NR1I3: variants seen among roughly 807,000 people sequenced by gnomAD.
NR1I3 encodes the protein constitutive activator of retinoid response.
A neutral mutation model predicts 38.4 loss-of-function variants in NR1I3; 30 were observed. The observed-to-expected ratio is 0.78, with a 90% CI of 0.58 to 1.06. The LOEUF (loss-of-function observed/expected upper bound fraction) is 1.06, where lower values mean the gene tolerates loss of function less well. NR1I3 is among the 50% of genes least tolerant of loss of function. The pLI, the probability that NR1I3 is intolerant of heterozygous loss-of-function variation, is 0.00. For missense variants in NR1I3, 388 were observed against 435.7 expected (o/e 0.89, Z 0.97); for synonymous variants, 143 against 165.1 (o/e 0.87, Z 1.03).
chr1:161,237,965 T>G, intron 1 of NR1I3, 76 bp downstream of exon 1: 29 of 1,420,606 alleles, frequency 2.0e-5, no homozygotes, highest in East Asian at 4.6e-5. Context: ...ATGACACACG[T>G]GAGCCACTAT....
rs563503102 is a variant in NR1I3 at position 161,233,294 on chromosome 1, C to T, written c.283G>A (p.Ala95Thr). 6.2e-7 allele frequency: 1 copy of T among 1,614,188 alleles called. No homozygotes were observed. The highest frequency in any genetic ancestry group is 2.2e-5 in the East Asian group (1 of 44,886). The stretch of plus-strand genomic sequence containing the variant: ...GGTGTTTGCTGTGCCCGCCGCTGGG[C>T]CTGCTTTGCTCGCCGCAATGCCAGG... ...EALALRRAKQ[A>T]QRRAQQTPVQ... The change falls in exon 4 of 9, where the codon GCC (alanine) becomes ACC (threonine). Residue 95 changes from alanine to threonine, a missense_variant. Ala to Thr is a moderately conservative substitution (Grantham distance 58). Transcript: ENST00000367983.
intron 8 of NR1I3, chr1:161,230,566 C>T (rs1335304469): frequency 1.7e-6 from 1 of 587,242 alleles, no homozygotes; most frequent in Non-Finnish European, 3.0e-6. Context: ...CTCTGAGCTA[C>T]TACTTTGCAT....
rs543066695 is a variant in NR1I3 at position 161,236,654 on chromosome 1, C to T, written c.-33-56G>A. 1.5e-5 allele frequency: 24 copies of T among 1,572,134 alleles called. No individual in the cohort carries two copies. In the African/African-American group the frequency reaches 2.8e-4, roughly 19 times the overall value. ...TGGGCCACCCTTGACCCTTTTCTGT[C>T]CCTTCTAGAGAGTCTCTTTCCAAAC... On this transcript the variant is annotated intron_variant, in intron 1 of 8. Coordinates refer to ENST00000367983, the MANE Select transcript of NR1I3 (RefSeq NM_005122.5).
chr1:161,233,623 G>A (rs1056424829), intron 3 of NR1I3, among the ~76,000 whole-genome samples: 66 of 152,108 alleles, frequency 4.3e-4, no homozygotes, highest in South Asian at 6.2e-4. Flanking sequence ...GGAAAGGTGC[G>A]AGGGCTTTTG....
intron 5 of NR1I3, among the ~76,000 whole-genome samples, chr1:161,231,736 A>T (rs1225234200): frequency 6.6e-6 from 1 of 152,108 alleles, no homozygotes; most frequent in East Asian, 1.9e-4. Context: ...TACTGACCTC[A>T]GGTGATCCAC....
intron 5 of NR1I3, 133 bp downstream of exon 5, chr1:161,232,674 C>A: frequency 1.1e-6 from 1 of 891,122 alleles, no homozygotes; most frequent in Non-Finnish European, 1.8e-6. Flanking sequence ...CATTTAAAAC[C>A]AAAGCTGGGA....
At chr1:161,230,728 A>C (rs1315004431) in intron 8 of NR1I3, 85 bp downstream of exon 8, 2 of 1,578,496 alleles carry the variant, frequency 1.3e-6, no homozygotes, top group Admixed American at 1.7e-5. Flanking sequence ...AAAGGACAGT[A>C]AAAAAACATT....
chr1:161,233,343 G>A lies in NR1I3; in HGVS notation c.239-5C>T, dbSNP rs1291531366. 1 of 1,612,266 alleles carries A rather than the reference G, an allele frequency of 6.2e-7. No individual in the cohort carries two copies. Among genetic ancestry groups the A allele is most frequent in the East Asian group, 2.2e-5 (1 of 44,872 alleles). On this transcript the variant is annotated splice_polypyrimidine_tract_variant and splice_region_variant and intron_variant, in intron 3 of 8. Transcript: ENST00000367983. ...GGGCTTCTGCCGACAGTATCACTGT[G>A]CCAGGCAAGAGATCATGACAAAGCT...
At position 161,229,945 on chromosome 1, in the gene NR1I3, G is replaced by A; in HGVS notation, c.918-19C>T. The stretch of plus-strand genomic sequence containing the variant: ...CAGAAACCTTTGGAGGAAGTAGTGG[G>A]GTTGCCAGGAAAACAGGAGGGAAAT... On this transcript the variant is annotated intron_variant, in intron 8 of 8. Transcript: ENST00000367983. The A allele has an allele frequency of 1.2e-6, 2 of 1,613,898 alleles. No homozygotes were observed. Among genetic ancestry groups the A allele is most frequent in the Non-Finnish European group, 1.7e-6 (2 of 1,179,912 alleles).
intron 4 of NR1I3, 64 bp from the exon 5 acceptor site, chr1:161,233,010 CCTTAT>C: frequency 6.2e-7 from 1 of 1,600,546 alleles, no homozygotes; most frequent in South Asian, 1.1e-5. Flanking sequence ...GCCTCGCCAG[CCTTAT>C]CTTGGAAGAG....
rs1558125631 is a variant in NR1I3 at position 161,235,995 on chromosome 1, G to GT, written c.108-19dup. ...CTGTTCTCCTGTGAGACACAGAGAT[G>GT]TTGTTAGAGTCTGGGATGCAATGGA... is the stretch of plus-strand genomic sequence containing the variant. On this transcript the variant is annotated intron_variant, in intron 2 of 8. Transcript: ENST00000367983. 1 of 1,569,658 alleles carries GT rather than the reference G, an allele frequency of 6.4e-7. No individual in the cohort carries two copies. Among genetic ancestry groups the GT allele is most frequent in the Admixed American group, 1.9e-5 (1 of 53,590 alleles).
chr1:161,229,881 G>T lies in NR1I3; in HGVS notation c.963C>A (p.Ser321Arg), dbSNP rs1466421475. The change falls in exon 9 of 9, where the codon AGC becomes AGA. Residue 321 changes from serine to arginine, a missense_variant. Coordinates refer to ENST00000367983, the MANE Select transcript of NR1I3 (RefSeq NM_005122.5). ...TTTGGTACCCGTAGGCCTCATTAAT[G>T]CTCCGGAGCTCAGCCAGCAGGCCTA... ...KLLGLLAELR[S>R]INEAYGYQIQ... The T allele has an allele frequency of 1.2e-6, 2 of 1,614,100 alleles. No individual in the cohort carries two copies. Among genetic ancestry groups the T allele is most frequent in the Non-Finnish European group, 1.7e-6 (2 of 1,180,052 alleles).
chr1:161,233,110 A>T, intron 4 of NR1I3, 59 bp downstream of exon 4: 1 of 1,597,982 alleles, frequency 6.3e-7, no homozygotes. Context: ...TCTCCTTCAG[A>T]CCAGCATTTT....
chr1:161,232,723 T>C, intron 5 of NR1I3, 84 bp downstream of exon 5: 2 of 1,358,606 alleles, frequency 1.5e-6, no homozygotes, highest in Admixed American at 1.7e-5. Flanking sequence ...ACGCATGTGA[T>C]AATTTGTAGT....
Position 161,238,052 on chromosome 1 carries a change from A to G in NR1I3, c.-45T>C, listed in dbSNP as rs181499203. On this transcript the variant is annotated 5_prime_UTR_variant, in exon 1 of 9. Transcript: ENST00000367983. ...AACAGATTTCCTACCTGCTTCTCTTAGGCAGCATGTCACCTGCAGGCCACA... is the reference window on the plus strand; with the variant it reads ...AACAGATTTCCTACCTGCTTCTCTTGGGCAGCATGTCACCTGCAGGCCACA... 1.2e-3 allele frequency: 2,016 copies of G among 1,613,784 alleles called. 15 individuals carry two copies. The highest frequency in any genetic ancestry group is 8.0e-4 in the Non-Finnish European group (941 of 1,179,684).
chr1:161,234,086 G>A (rs1292492737), intron 3 of NR1I3, among the ~76,000 whole-genome samples: 2 of 151,734 alleles, frequency 1.3e-5, no homozygotes, highest in Admixed American at 6.6e-5. Context: ...CTGCCCCCTG[G>A]GTTCAAGCAA....
intron 3 of NR1I3, 167 bp downstream of exon 3, chr1:161,235,680 C>G (rs1262040291): frequency 1.4e-6 from 1 of 717,856 alleles, no homozygotes; most frequent in Admixed American, 2.7e-5. Flanking sequence ...ATCATGAGAT[C>G]ACGTACTTTG....
At chr1:161,236,733 T>TTTTC in intron 1 of NR1I3, 135 bp from the exon 2 acceptor site, 9 of 760,288 alleles carry the variant, frequency 1.2e-5, no homozygotes, top group Non-Finnish European at 1.8e-5. Flanking sequence ...GTGGTTTTCT[T>TTTTC]TTTCTTTTTC....
intron 5 of NR1I3, among the ~76,000 whole-genome samples, 175 bp downstream of exon 5, chr1:161,232,631 GA>G (rs1667607151): frequency 6.6e-6 from 1 of 152,212 alleles, no homozygotes; most frequent in Non-Finnish European, 1.5e-5. Context: ...CTGTACTTCA[GA>G]GATGGAGAAG....
Sources: allele counts gnomAD v4.1 joint callset (sites outside exome capture counted in the v4.1 genomes callset), GRCh38; gene constraint gnomAD v4.1.1; transcripts MANE v1.5; gene names NCBI Gene and HGNC (gene_info 2026-07-23, HGNC 2026-07-21).